CACNB4: variants seen among roughly 807,000 people sequenced by gnomAD.
CACNB4 encodes voltage-dependent L-type calcium channel subunit beta-4.
Under a neutral mutation model 71.2 loss-of-function variants are expected in CACNB4, and 32 were observed. That is an observed-to-expected ratio of 0.45 (90% CI 0.34 to 0.60). The LOEUF (loss-of-function observed/expected upper bound fraction) is 0.60. CACNB4 is among the 20% of genes least tolerant of loss of function. The pLI, the probability that CACNB4 is intolerant of heterozygous loss-of-function variation, is 0.01. For missense variants in CACNB4, 464 were observed against 647.9 expected (o/e 0.72, Z 3.08); for synonymous variants, 231 against 236.9 (o/e 0.97, Z 0.23).
rs561307901 is a variant in CACNB4 at position 151,986,541 on chromosome 2, C to T, written c.148-103171G>A. The stretch of plus-strand genomic sequence containing the variant: ...CCACTCCACATTATTAAGCACCATA[C>T]TAGAATCATCTATAGCTATTGATAT... On this transcript the variant is annotated intron_variant, in intron 2 of 13. Coordinates refer to ENST00000539935, the MANE Select transcript of CACNB4 (RefSeq NM_000726.5). 2.6e-5 allele frequency among the ~76,000 whole-genome samples: 4 copies of T among 152,316 alleles called. No individual in the cohort carries two copies. In the East Asian group the frequency reaches 7.7e-4, roughly 29 times the overall value.
chr2:152,042,840 G>T (rs184849388), intron 2 of CACNB4, among the ~76,000 whole-genome samples: 2 of 152,018 alleles, frequency 1.3e-5, no homozygotes, highest in Non-Finnish European at 2.9e-5. Context: ...ACAGGAGGTC[G>T]GCACAAGATA....
At chr2:152,012,337 C>T (rs1245704432) in intron 2 of CACNB4, among the ~76,000 whole-genome samples, 1 of 152,156 alleles carries the variant, frequency 6.6e-6, no homozygotes, top group East Asian at 1.9e-4. Flanking sequence ...GGCGTGGTGG[C>T]TCACACCTGT....
At chr2:151,938,598 G>A (rs776643157) in intron 2 of CACNB4, among the ~76,000 whole-genome samples, 18 of 152,166 alleles carry the variant, frequency 1.2e-4, no homozygotes, top group Non-Finnish European at 2.1e-4. Context: ...AAGACCTTTC[G>A]TGTCATTTCA....
intron 2 of CACNB4, among the ~76,000 whole-genome samples, chr2:152,041,493 G>A (rs182500137): frequency 6.6e-6 from 1 of 152,296 alleles, no homozygotes; most frequent in East Asian, 1.9e-4. Context: ...AAACATGAAG[G>A]TAGGCAGTTG....
chr2:152,095,084 T>A (rs1688192931), intron 2 of CACNB4, among the ~76,000 whole-genome samples: 1 of 152,222 alleles, frequency 6.6e-6, no homozygotes, highest in Admixed American at 6.5e-5. Context: ...AAGTACTTCA[T>A]CTTCTCACCT....
chr2:152,094,527 C>G (rs776999583), intron 2 of CACNB4, among the ~76,000 whole-genome samples: 1 of 152,190 alleles, frequency 6.6e-6, no homozygotes, highest in Non-Finnish European at 1.5e-5. Flanking sequence ...ACTTGGAGTA[C>G]TCAGCCGTAT....
At position 151,855,447 on chromosome 2, in the gene CACNB4, T is replaced by C. The variant is rs1175487076; in HGVS notation, c.869-72A>G. Reference sequence around the variant, plus strand: ...GTTCTTACATTAGAAAGATATAGTATATTTTCAGATATGTTGGTCTACATT... The same window carrying C: ...GTTCTTACATTAGAAAGATATAGTACATTTTCAGATATGTTGGTCTACATT... On this transcript the variant is annotated intron_variant, in intron 10 of 13. Coordinates refer to ENST00000539935, the MANE Select transcript of CACNB4 (RefSeq NM_000726.5). 4.5e-6 allele frequency: 5 copies of C among 1,112,650 alleles called. No homozygotes were observed. The African/African-American group carries it at 6.2e-5, about 14-fold the overall frequency. The allele number at this position is 1,112,650 out of a possible 1,614,324, so 68.9% of individuals were successfully genotyped here.
intron 2 of CACNB4, among the ~76,000 whole-genome samples, chr2:151,902,014 T>C (rs1578715494): frequency 6.8e-6 from 1 of 147,584 alleles, no homozygotes; most frequent in Non-Finnish European, 1.5e-5. Context: ...TTCTCCCTAG[T>C]GGGTAACACA....
At chr2:151,955,152 G>A (rs2099867928) in intron 2 of CACNB4, among the ~76,000 whole-genome samples, 1 of 152,078 alleles carries the variant, frequency 6.6e-6, no homozygotes, top group Non-Finnish European at 1.5e-5. Flanking sequence ...ACCGTGCCCA[G>A]CCAACAAGTC....
At chr2:152,092,932 A>T (rs1476934803) in intron 2 of CACNB4, among the ~76,000 whole-genome samples, 2 of 152,108 alleles carry the variant, frequency 1.3e-5, no homozygotes, top group Non-Finnish European at 2.9e-5. Context: ...ACTAATAATA[A>T]AACAGAACAA....
chr2:152,023,275 GC>G (rs1683776455), intron 2 of CACNB4, among the ~76,000 whole-genome samples: 1 of 152,070 alleles, frequency 6.6e-6, no homozygotes, highest in South Asian at 2.1e-4. Flanking sequence ...ACCAGGCCCT[GC>G]CCTCAACACG....
chr2:151,853,436 G>C lies in CACNB4; in HGVS notation c.1116+12C>G. On this transcript the variant is annotated intron_variant, in intron 12 of 13. Transcript: ENST00000539935. The stretch of plus-strand genomic sequence containing the variant: ...GTCAAGAATGATGAAGACAAAAAAT[G>C]ATCATACTTACTGGGGGGCATTGTG... The C allele has an allele frequency of 6.5e-7, 1 of 1,533,926 alleles. No homozygotes were observed.
intron 2 of CACNB4, among the ~76,000 whole-genome samples, chr2:151,893,222 GA>G (rs1331428804): frequency 2.7e-5 from 4 of 148,776 alleles, no homozygotes; most frequent in African/African-American, 4.9e-5. Context: ...TAGCCAACTG[GA>G]AAAAAAAATA....
intron 4 of CACNB4, 105 bp from the exon 5 acceptor site, chr2:151,876,661 A>C (rs369488268): frequency 1.6e-6 from 1 of 635,566 alleles, no homozygotes; most frequent in Non-Finnish European, 2.5e-6. Context: ...ATATGATATG[A>C]TATGCTATAT....
chr2:152,030,341 T>C (rs578046377), intron 2 of CACNB4, among the ~76,000 whole-genome samples: 1 of 152,366 alleles, frequency 6.6e-6, no homozygotes, highest in Non-Finnish European at 1.5e-5. Flanking sequence ...TCAATATTAA[T>C]AGTATAATTC....
intron 3 of CACNB4, among the ~76,000 whole-genome samples, chr2:151,882,659 A>G (rs997161963): frequency 6.6e-6 from 1 of 152,180 alleles, no homozygotes; most frequent in East Asian, 1.9e-4. Context: ...ACTTTCAACC[A>G]TGCAGTTGGC....
Position 151,834,994 on chromosome 2 carries a change from T to C in CACNB4, c.*4125A>G, listed in dbSNP as rs1167778859. The C allele has an allele frequency of 6.6e-6, 1 of 151,960 alleles. No individual in the cohort carries two copies. The allele number at this position is 151,960 out of a possible 1,614,324, so 9.4% of individuals were successfully genotyped here. On this transcript the variant is annotated 3_prime_UTR_variant, in exon 14 of 14. Coordinates refer to ENST00000539935, the MANE Select transcript of CACNB4 (RefSeq NM_000726.5). ...ATAGCATTTATTTGAAACATTGATA[T>C]GAAGTTTATTCCAATTACATGGGAG... is the stretch of plus-strand genomic sequence containing the variant.
At chr2:152,004,110 G>A (rs983658096) in intron 2 of CACNB4, among the ~76,000 whole-genome samples, 5 of 152,154 alleles carry the variant, frequency 3.3e-5, no homozygotes, top group South Asian at 4.1e-4. Context: ...ATGAGCCACC[G>A]TGCCTGGTTG....
intron 12 of CACNB4, among the ~76,000 whole-genome samples, chr2:151,850,021 G>A (rs2151340138): frequency 6.6e-6 from 1 of 152,056 alleles, no homozygotes; most frequent in Middle Eastern, 3.4e-3. Context: ...AGCCCACAAA[G>A]CCTAAGATAT....
Sources: allele counts gnomAD v4.1 joint callset (sites outside exome capture counted in the v4.1 genomes callset), GRCh38; gene constraint gnomAD v4.1.1; transcripts MANE v1.5; gene names NCBI Gene and HGNC (gene_info 2026-07-23, HGNC 2026-07-21).